The following NEK1 variants were observed in gnomAD, a reference collection of about 807,000 sequenced individuals.
The protein encoded by NEK1 is serine/threonine-protein kinase Nek1.
A neutral mutation model predicts 182.1 loss-of-function variants in NEK1; 137 were observed. That is an observed-to-expected ratio of 0.75 (90% CI 0.65 to 0.87). NEK1 has a LOEUF of 0.87. Among genes scored for constraint, NEK1 ranks in the 40% least tolerant of loss-of-function variants. The pLI is 0.00. For missense variants in NEK1, 1,391 were observed against 1,494.4 expected, an observed-to-expected ratio of 0.93 and a Z score of 1.14; for synonymous variants, 513 against 492.2, an observed-to-expected ratio of 1.04 and a Z score of -0.56.
intron 19 of NEK1, among the ~76,000 whole-genome samples, chr4:169,513,050 T>C (rs1297750110): frequency 6.6e-6 from 1 of 152,174 alleles, no homozygotes; most frequent in African/African-American, 2.4e-5. Context: ...CAAGTTGTTG[T>C]TCTTCAAAAT....
At chr4:169,543,137 T>A (rs879662327) in intron 18 of NEK1, among the ~76,000 whole-genome samples, 1 of 152,214 alleles carries the variant, frequency 6.6e-6, no homozygotes, top group Non-Finnish European at 1.5e-5. Flanking sequence ...TGTTTAAATC[T>A]TTAATCCATC....
At chr4:169,575,214 G>T (rs188124933) in intron 12 of NEK1, among the ~76,000 whole-genome samples, 1 of 152,318 alleles carries the variant, frequency 6.6e-6, no homozygotes, top group Non-Finnish European at 1.5e-5. Flanking sequence ...TCTTTTTAAA[G>T]ATAGATAAAA....
intron 27 of NEK1, among the ~76,000 whole-genome samples, chr4:169,452,734 T>C (rs1418841498): frequency 1.3e-5 from 2 of 152,168 alleles, no homozygotes; most frequent in Non-Finnish European, 2.9e-5. Context: ...ACTGGAAGCA[T>C]TCCCTTTGAA....
chr4:169,543,572 T>G (rs538892475), intron 18 of NEK1, among the ~76,000 whole-genome samples: 1 of 152,214 alleles, frequency 6.6e-6, no homozygotes, highest in African/African-American at 2.4e-5. Context: ...TAAATTACTT[T>G]GGGCAGTATA....
chr4:169,546,989 G>A (rs1206664798), intron 18 of NEK1, among the ~76,000 whole-genome samples: 1 of 152,166 alleles, frequency 6.6e-6, no homozygotes, highest in Non-Finnish European at 1.5e-5. Context: ...GGCTAATATT[G>A]TTATGTGTGA....
At chr4:169,611,231 C>T (rs1772279123) in intron 2 of NEK1, among the ~76,000 whole-genome samples, 1 of 152,154 alleles carries the variant, frequency 6.6e-6, no homozygotes, top group Non-Finnish European at 1.5e-5. Context: ...TCAAGTCCGA[C>T]GACCTTTATT....
intron 18 of NEK1, chr4:169,555,476 T>C: frequency 2.2e-6 from 1 of 461,318 alleles, no homozygotes. Flanking sequence ...ACATGTTCCT[T>C]TAAATAGTAT....
intron 23 of NEK1, 67 bp from the exon 24 acceptor site, chr4:169,479,601 C>A: frequency 7.8e-7 from 1 of 1,286,372 alleles, no homozygotes; most frequent in East Asian, 2.4e-5. Context: ...AAAATGGTAC[C>A]TACCAGATCA....
intron 30 of NEK1, 38 bp from the exon 31 acceptor site, chr4:169,424,838 C>T: frequency 6.5e-7 from 1 of 1,544,098 alleles, no homozygotes; most frequent in Non-Finnish European, 8.8e-7. Flanking sequence ...TAAGTCTATA[C>T]AGTACTTAAA....
intron 12 of NEK1, among the ~76,000 whole-genome samples, chr4:169,572,985 G>A: frequency 6.6e-6 from 1 of 152,098 alleles, no homozygotes; most frequent in East Asian, 1.9e-4. Flanking sequence ...AGAGGTAGTT[G>A]GAAGGACATA....
chr4:169,480,981 T>A (rs1747895818), intron 23 of NEK1, among the ~76,000 whole-genome samples: 1 of 152,216 alleles, frequency 6.6e-6, no homozygotes, highest in African/African-American at 2.4e-5. Flanking sequence ...TGTTGCTTTA[T>A]CGACTAAGTT....
At chr4:169,610,187 A>T (rs1264463171) in intron 2 of NEK1, among the ~76,000 whole-genome samples, 1 of 152,050 alleles carries the variant, frequency 6.6e-6, no homozygotes, top group African/African-American at 2.4e-5. Flanking sequence ...TTTTTAGTAG[A>T]GACGGGGTTT....
chr4:169,512,307 C>A (rs1754320560), intron 19 of NEK1, among the ~76,000 whole-genome samples: 1 of 151,948 alleles, frequency 6.6e-6, no homozygotes, highest in Non-Finnish European at 1.5e-5. Context: ...TTTATTATAG[C>A]CATTTTGATA....
intron 27 of NEK1, among the ~76,000 whole-genome samples, chr4:169,454,997 A>C (rs1413622970): frequency 2.0e-5 from 3 of 152,230 alleles, no homozygotes; most frequent in Non-Finnish European, 4.4e-5. Context: ...CTACGCAGCC[A>C]TAAGAAAGGA....
At chr4:169,554,646 T>G (rs1478178171) in intron 18 of NEK1, 1 of 152,126 alleles carries the variant, frequency 6.6e-6, no homozygotes, top group Non-Finnish European at 1.5e-5. Flanking sequence ...AACCAGTGGT[T>G]GCCAAGAGTT....
intron 32 of NEK1, among the ~76,000 whole-genome samples, chr4:169,405,687 G>A (rs193252504): frequency 3.1e-4 from 47 of 152,168 alleles, no homozygotes; most frequent in Middle Eastern, 6.8e-3. Flanking sequence ...AGGCTGGAGT[G>A]CAGTGGCATG....
At chr4:169,529,806 TC>T (rs1331630496) in intron 19 of NEK1, among the ~76,000 whole-genome samples, 1 of 152,140 alleles carries the variant, frequency 6.6e-6, no homozygotes, top group Non-Finnish European at 1.5e-5. Flanking sequence ...GAAAAGACAT[TC>T]AACATCATTA....
At chr4:169,433,916 T>C (rs1737897205) in intron 28 of NEK1, among the ~76,000 whole-genome samples, 1 of 152,216 alleles carries the variant, frequency 6.6e-6, no homozygotes. Flanking sequence ...TGGTATACTC[T>C]ATATTTTTCA....
chr4:169,543,085 T>C (rs1759736445), intron 18 of NEK1, among the ~76,000 whole-genome samples: 1 of 152,190 alleles, frequency 6.6e-6, no homozygotes, highest in Non-Finnish European at 1.5e-5. Context: ...TGAATGGTTT[T>C]GGCTAGGTTT....
Sources: allele counts gnomAD v4.1 joint callset (sites outside exome capture counted in the v4.1 genomes callset), GRCh38; gene constraint gnomAD v4.1.1; transcripts MANE v1.5; gene names NCBI Gene and HGNC (gene_info 2026-07-23, HGNC 2026-07-21).